The following CHSY1 variants were observed in gnomAD, a reference collection of about 807,000 sequenced individuals.
CHSY1 encodes the protein N-acetylgalactosaminyl-proteoglycan 3-beta-glucuronosyltransferase 1.
A neutral mutation model predicts 59.8 loss-of-function variants in CHSY1; 13 were observed. The observed-to-expected ratio is 0.22, with a 90% CI of 0.14 to 0.35. CHSY1 has a LOEUF of 0.35. Ranked by LOEUF, CHSY1 falls within the 10% of genes least tolerant of loss-of-function variation. CHSY1 has a pLI of 1.00. For missense variants in CHSY1, 947 were observed against 1,030.6 expected, an observed-to-expected ratio of 0.92 and a Z score of 1.11; for synonymous variants, 459 against 401.2, an observed-to-expected ratio of 1.14 and a Z score of -1.72.
chr15:101,234,136 A>C (rs1596451890), intron 2 of CHSY1, among the ~76,000 whole-genome samples: 1 of 152,352 alleles, frequency 6.6e-6, no homozygotes, highest in East Asian at 1.9e-4. Flanking sequence ...TGCTACAGAG[A>C]AAACATCTAC....
intron 2 of CHSY1, among the ~76,000 whole-genome samples, chr15:101,197,902 T>C (rs571860907): frequency 1.3e-5 from 2 of 152,260 alleles, no homozygotes; most frequent in East Asian, 1.9e-4. Flanking sequence ...GGACGCCTTA[T>C]ATCTGAAACC....
At chr15:101,204,014 G>A (rs1049673062) in intron 2 of CHSY1, among the ~76,000 whole-genome samples, 4 of 152,182 alleles carry the variant, frequency 2.6e-5, no homozygotes, top group African/African-American at 4.8e-5. Context: ...CTGTATCAAC[G>A]TTAATTTCCC....
At chr15:101,182,284 A>G (rs2038290867) in intron 2 of CHSY1, among the ~76,000 whole-genome samples, 1 of 152,188 alleles carries the variant, frequency 6.6e-6, no homozygotes, top group East Asian at 1.9e-4. Context: ...GAACTGCAAG[A>G]GATCGCTTTT....
intron 2 of CHSY1, among the ~76,000 whole-genome samples, chr15:101,214,165 G>A (rs1473438997): frequency 6.6e-6 from 1 of 152,208 alleles, no homozygotes; most frequent in Non-Finnish European, 1.5e-5. Context: ...GTGTGTATGT[G>A]TGTCTGCTGT....
At chr15:101,196,347 G>T (rs117061362) in intron 2 of CHSY1, among the ~76,000 whole-genome samples, 2,040 of 152,122 alleles carry the variant, frequency 0.013, 38 homozygotes, top group Non-Finnish European at 0.018. Flanking sequence ...TTTCTTTGCT[G>T]GCTCTTATTC....
intron 1 of CHSY1, among the ~76,000 whole-genome samples, chr15:101,236,795 A>T (rs2038947874): frequency 6.6e-6 from 1 of 152,248 alleles, no homozygotes; most frequent in African/African-American, 2.4e-5. Context: ...ACTGCACTCC[A>T]GCCTGGGAGA....
At chr15:101,247,476 A>G (rs532880070) in intron 1 of CHSY1, among the ~76,000 whole-genome samples, 1 of 152,284 alleles carries the variant, frequency 6.6e-6, no homozygotes, top group South Asian at 2.1e-4. Flanking sequence ...CCCTCTGACT[A>G]AAGAACATGA....
Position 101,177,923 on chromosome 15 carries a change from G to A in CHSY1, c.1874C>T (p.Ser625Phe). 6.2e-7 allele frequency: 1 copy of A among 1,614,198 alleles called. No individual in the cohort carries two copies. The highest frequency in any genetic ancestry group is 8.5e-7 in the Non-Finnish European group (1 of 1,180,028). Residue 625 changes from serine to phenylalanine, a missense_variant, in exon 3 of 3, where the codon TCT becomes TTT. Transcript: ENST00000254190. ...GTCGACGTCGCAGAAGAAGAGCAAAGATTCATTGTTAAACTGGGAGGATCC... is the reference window on the plus strand; with the variant it reads ...GTCGACGTCGCAGAAGAAGAGCAAAAATTCATTGTTAAACTGGGAGGATCC... ...EVGSSQFNNESLLFFCDVDLV... is the reference protein window; with the variant it reads ...EVGSSQFNNEFLLFFCDVDLV...
At chr15:101,188,390 C>G in intron 2 of CHSY1, among the ~76,000 whole-genome samples, 1 of 152,058 alleles carries the variant, frequency 6.6e-6, no homozygotes, top group Non-Finnish European at 1.5e-5. Flanking sequence ...AAGAGTGGGT[C>G]TGTTAATAAT....
chr15:101,209,089 CAG>C (rs1207795909), intron 2 of CHSY1, among the ~76,000 whole-genome samples: 2 of 152,152 alleles, frequency 1.3e-5, no homozygotes, highest in Non-Finnish European at 2.9e-5. Flanking sequence ...TATAAAAAGA[CAG>C]AGAGTAACTT....
At chr15:101,220,809 C>T (rs551753237) in intron 2 of CHSY1, among the ~76,000 whole-genome samples, 21 of 152,344 alleles carry the variant, frequency 1.4e-4, no homozygotes, top group African/African-American at 5.1e-4. Flanking sequence ...TAATCACTGC[C>T]TCAGGGCCTC....
chr15:101,225,418 G>A lies in CHSY1; in HGVS notation c.816+9664C>T, dbSNP rs1351647042. ...TATACGTTTTAAAAGGCAGATTACC[G>A]TTGATATAGTTTGGATACTTGTCCC... is the stretch of plus-strand genomic sequence containing the variant. On this transcript the variant is annotated intron_variant, in intron 2 of 2. Transcript: ENST00000254190. 5.3e-5 allele frequency among the ~76,000 whole-genome samples: 8 copies of A among 152,116 alleles called. No homozygotes were observed. The East Asian group carries it at 7.7e-4, about 15-fold the overall frequency.
chr15:101,223,196 T>C (rs2038808102), intron 2 of CHSY1, among the ~76,000 whole-genome samples: 1 of 152,210 alleles, frequency 6.6e-6, no homozygotes, highest in Admixed American at 6.5e-5. Context: ...GGTTTTGCCA[T>C]GTTGGCCAGG....
intron 2 of CHSY1, among the ~76,000 whole-genome samples, chr15:101,216,512 T>C (rs1348498271): frequency 1.1e-4 from 17 of 152,200 alleles, no homozygotes; most frequent in Admixed American, 1.0e-3. Context: ...ACAGATATGG[T>C]ACATCCGTAC....
intron 2 of CHSY1, among the ~76,000 whole-genome samples, chr15:101,205,407 C>T (rs1041469117): frequency 2.6e-5 from 4 of 152,124 alleles, no homozygotes; most frequent in African/African-American, 9.7e-5. Context: ...TTTATATTTC[C>T]CCATTTATAT....
rs532511668 is a variant in CHSY1 at position 101,177,490 on chromosome 15, C to A, written c.2307G>T (p.Ser769=). Residue 769 remains serine, a synonymous_variant, in exon 3 of 3, where the codon TCG becomes TCT. Coordinates refer to ENST00000254190, the MANE Select transcript of CHSY1 (RefSeq NM_014918.5). ...CCAGCTGCTGGGTGGACCCATAGGT[C>A]GATGCTTTGGACCCCAAGCACATTT... is the stretch of plus-strand genomic sequence containing the variant. ...QYKMCLGSKA[S]TYGSTQQLAE... 1.9e-6 allele frequency: 3 copies of A among 1,613,296 alleles called. No homozygotes were observed. In the South Asian group the frequency reaches 3.3e-5, roughly 18 times the overall value.
Position 101,251,268 on chromosome 15 carries a change from G to C in CHSY1, c.189C>G (p.Gly63=), listed in dbSNP as rs988011598. The C allele has an allele frequency of 3.0e-6, 4 of 1,340,430 alleles. No homozygotes were observed. In the African/African-American group the frequency reaches 6.2e-5, roughly 21 times the overall value. 83.0% of individuals were successfully genotyped at this position (1,340,430 alleles called of 1,614,324 possible). ...GCCAGAGCTGCGCCCCGCGCGCATC[G>C]CCGCGCGCCCCGCCGGCCTGGGAAG... ...AAASQAGGAR[G]DARGAQLWPP... is the part of the protein sequence containing the mutation. The change falls in exon 1 of 3, where the codon GGC becomes GGG. Residue 63 remains glycine (G), a synonymous_variant. Transcript: ENST00000254190.
chr15:101,178,584 A>G lies in CHSY1; in HGVS notation c.1213T>C (p.Leu405=), dbSNP rs2141236117. ...RGMDSAQREA[L]DDIVMQVMEM... The stretch of plus-strand genomic sequence containing the variant: ...ATGACCTGCATGACAATGTCGTCCA[A>G]GGCTTCCCTCTGGGCGGAGTCCATT... Residue 405 remains leucine (L), a synonymous_variant, in exon 3 of 3, where the codon TTG becomes CTG. Transcript: ENST00000254190. The G allele has an allele frequency of 6.2e-7, 1 of 1,614,230 alleles. No individual in the cohort carries two copies.
At chr15:101,236,452 C>T (rs1239168341) in intron 1 of CHSY1, among the ~76,000 whole-genome samples, 1 of 152,202 alleles carries the variant, frequency 6.6e-6, no homozygotes, top group East Asian at 1.9e-4. Context: ...TGTCTGCCAC[C>T]AAGTAAGACG....
Sources: gnomAD v4.1 joint callset for allele counts (sites outside exome capture counted in the v4.1 genomes callset) on GRCh38, gnomAD v4.1.1 for gene constraint, MANE v1.5 for transcripts, NCBI Gene and HGNC (gene_info 2026-07-23, HGNC 2026-07-21) for gene names.